Variants in ELMOD1 observed in about 807,000 individuals in gnomAD.
The protein encoded by ELMOD1 is ELMO domain-containing protein 1.
ELMOD1 carries 21 observed loss-of-function variants against 46.7 expected under a neutral mutation model. The observed-to-expected ratio is 0.45, with a 90% CI of 0.32 to 0.65. ELMOD1 has a LOEUF of 0.65. Ranked by LOEUF, ELMOD1 falls within the 30% of genes least tolerant of loss-of-function variation. The pLI, the probability that ELMOD1 is intolerant of heterozygous loss-of-function variation, is 0.04. For missense variants in ELMOD1, 348 were observed against 407.8 expected (o/e 0.85, Z 1.26); for synonymous variants, 122 against 138.2 (o/e 0.88, Z 0.82).
At chr11:107,606,652 T>C (rs1021566530) in intron 1 of ELMOD1, among the ~76,000 whole-genome samples, 3 of 152,150 alleles carry the variant, frequency 2.0e-5, no homozygotes, top group Admixed American at 6.5e-5. Flanking sequence ...CTGGCCAACA[T>C]GGTGAAACCG....
chr11:107,649,428 GAC>G (rs1866486947), intron 7 of ELMOD1, among the ~76,000 whole-genome samples: 1 of 152,090 alleles, frequency 6.6e-6, no homozygotes, highest in Admixed American at 6.6e-5. Flanking sequence ...AGATAAGACT[GAC>G]ACATAAATGA....
At chr11:107,622,222 T>C (rs1173292830) in intron 2 of ELMOD1, among the ~76,000 whole-genome samples, 3 of 152,192 alleles carry the variant, frequency 2.0e-5, no homozygotes, top group Non-Finnish European at 4.4e-5. Context: ...GATTTTAATA[T>C]TTTAAAATAA....
chr11:107,623,821 T>G (rs543388281), intron 2 of ELMOD1: 1 of 152,362 alleles, frequency 6.6e-6, no homozygotes, highest in South Asian at 2.1e-4. Flanking sequence ...CTTTTTCCAC[T>G]GCCATATCTC....
chr11:107,647,434 A>T, intron 6 of ELMOD1, 34 bp from the exon 7 acceptor site: 1 of 1,595,702 alleles, frequency 6.3e-7, no homozygotes, highest in Non-Finnish European at 8.5e-7. Flanking sequence ...GAAAGGGTGT[A>T]TCAACAGAGT....
chr11:107,614,434 G>A lies in ELMOD1; in HGVS notation c.-85-3671G>A, dbSNP rs189181094. 8.1e-3 allele frequency among the ~76,000 whole-genome samples: 1,241 copies of A among 152,302 alleles called. 11 individuals are homozygous for A. Among genetic ancestry groups the A allele is most frequent in the South Asian group, 0.025 (120 of 4,822 alleles). Reference sequence around the variant, plus strand: ...GCTCACTGCAACTTCCACCTCCCGGGTTCAAGCAATTCTCCTGCCTCAGCC... The same window carrying A: ...GCTCACTGCAACTTCCACCTCCCGGATTCAAGCAATTCTCCTGCCTCAGCC... On this transcript the variant is annotated intron_variant, in intron 1 of 11. Transcript: ENST00000265840.
chr11:107,639,524 A>T (rs1167892294), intron 6 of ELMOD1, among the ~76,000 whole-genome samples: 1 of 152,208 alleles, frequency 6.6e-6, no homozygotes, highest in East Asian at 1.9e-4. Context: ...AGACAATCCC[A>T]TGATGACCTT....
chr11:107,608,693 A>C (rs1313241847), intron 1 of ELMOD1, among the ~76,000 whole-genome samples: 1 of 152,196 alleles, frequency 6.6e-6, no homozygotes, highest in African/African-American at 2.4e-5. Flanking sequence ...CTTCCCATAA[A>C]ATTTTCTGGT....
At chr11:107,596,494 C>T (rs2135643841) in intron 1 of ELMOD1, among the ~76,000 whole-genome samples, 1 of 152,210 alleles carries the variant, frequency 6.6e-6, no homozygotes, top group Non-Finnish European at 1.5e-5. Context: ...ATTCCATATT[C>T]CATAAACACT....
intron 6 of ELMOD1, among the ~76,000 whole-genome samples, chr11:107,644,116 A>C (rs1335376469): frequency 1.3e-5 from 2 of 151,808 alleles, no homozygotes; most frequent in African/African-American, 4.8e-5. Context: ...CTACTAAAAA[A>C]TAAAATAAAA....
At chr11:107,616,588 A>G (rs1865867577) in intron 1 of ELMOD1, among the ~76,000 whole-genome samples, 1 of 152,070 alleles carries the variant, frequency 6.6e-6, no homozygotes, top group African/African-American at 2.4e-5. Flanking sequence ...CATGTTGGCC[A>G]TGCTGGTCTT....
intron 1 of ELMOD1, among the ~76,000 whole-genome samples, chr11:107,604,543 T>C (rs73557734): frequency 6.6e-6 from 1 of 152,148 alleles, no homozygotes; most frequent in Admixed American, 6.5e-5. Flanking sequence ...TCTAAGATAC[T>C]TTTTTCCCCC....
chr11:107,630,651 T>C, intron 3 of ELMOD1, 49 bp from the exon 4 acceptor site: 1 of 1,603,408 alleles, frequency 6.2e-7, no homozygotes, highest in Non-Finnish European at 8.5e-7. Context: ...TTCTAAACCA[T>C]GTGTAAAGGA....
At chr11:107,623,014 GT>G (rs1265407578) in intron 2 of ELMOD1, among the ~76,000 whole-genome samples, 2 of 152,042 alleles carry the variant, frequency 1.3e-5, no homozygotes, top group Non-Finnish European at 2.9e-5. Context: ...TAGGGTACAT[GT>G]GCACAACGTG....
At chr11:107,594,229 G>A (rs115568445) in intron 1 of ELMOD1, among the ~76,000 whole-genome samples, 2,610 of 151,940 alleles carry the variant, frequency 0.017, 75 homozygotes, top group African/African-American at 0.06. Context: ...TTTTGACAGG[G>A]CTGGCCTTGA....
chr11:107,610,625 T>C (rs1282676598), intron 1 of ELMOD1, among the ~76,000 whole-genome samples: 4 of 147,050 alleles, frequency 2.7e-5, no homozygotes, highest in African/African-American at 1.0e-4. Context: ...ATTGTGCCAC[T>C]GCACTCCACC....
At chr11:107,624,747 G>C (rs1866012310) in intron 2 of ELMOD1, among the ~76,000 whole-genome samples, 1 of 151,910 alleles carries the variant, frequency 6.6e-6, no homozygotes, top group South Asian at 2.1e-4. Context: ...GAAAGGAAAG[G>C]GTTACACTAT....
intron 1 of ELMOD1, among the ~76,000 whole-genome samples, chr11:107,599,996 TA>T (rs958027459): frequency 2.6e-4 from 39 of 151,836 alleles, no homozygotes; most frequent in African/African-American, 8.9e-4. Context: ...TTCTTGGCTG[TA>T]AAAAAAATAC....
intron 1 of ELMOD1, among the ~76,000 whole-genome samples, chr11:107,602,336 G>A (rs901531374): frequency 2.6e-5 from 4 of 152,170 alleles, no homozygotes; most frequent in African/African-American, 7.2e-5. Context: ...TGGGTACCCT[G>A]TGGGTCTTTT....
chr11:107,595,482 G>A (rs865868884), intron 1 of ELMOD1, among the ~76,000 whole-genome samples: 2 of 152,242 alleles, frequency 1.3e-5, no homozygotes, highest in Middle Eastern at 3.4e-3. Flanking sequence ...AAGGCAATTA[G>A]GCCATAGGTT....
Sources: allele counts gnomAD v4.1 joint callset (sites outside exome capture counted in the v4.1 genomes callset), GRCh38; gene constraint gnomAD v4.1.1; transcripts MANE v1.5; gene names NCBI Gene and HGNC (gene_info 2026-07-23, HGNC 2026-07-21).